FBXW8: variants seen among roughly 807,000 people sequenced by gnomAD.
FBXW8 encodes F-box/WD repeat-containing protein 8.
A neutral mutation model predicts 65.3 loss-of-function variants in FBXW8; 57 were observed. That is an observed-to-expected ratio of 0.87 (90% CI 0.71 to 1.09). FBXW8 has a LOEUF of 1.09. Among genes scored for constraint, FBXW8 ranks in the 50% least tolerant of loss-of-function variants. The probability of loss-of-function intolerance (pLI) is 0.00; values close to 1 mark genes in which losing one functional copy is unlikely to be tolerated. For synonymous variants in FBXW8, 308 were observed against 330.2 expected, an observed-to-expected ratio of 0.93 and a Z score of 0.73; for missense variants, 777 against 814.8, an observed-to-expected ratio of 0.95 and a Z score of 0.57.
At chr12:116,955,370 C>G (rs1215187914) in intron 4 of FBXW8, among the ~76,000 whole-genome samples, 2 of 152,194 alleles carry the variant, frequency 1.3e-5, no homozygotes, top group East Asian at 1.9e-4. Context: ...GCGAAAATTT[C>G]TCATTTCTGT....
chr12:117,019,337 G>GACCA (rs1462210761), intron 8 of FBXW8, among the ~76,000 whole-genome samples: 2 of 152,196 alleles, frequency 1.3e-5, no homozygotes, highest in Non-Finnish European at 2.9e-5. Context: ...AAGGTTCAGT[G>GACCA]GCCAGTCCGA....
intron 1 of FBXW8, among the ~76,000 whole-genome samples, chr12:116,924,035 T>C (rs1475943773): frequency 6.6e-6 from 1 of 152,252 alleles, no homozygotes; most frequent in Non-Finnish European, 1.5e-5. Context: ...CTCTAAATAT[T>C]GTAGCCATGT....
chr12:116,976,541 C>T (rs1205014870), intron 5 of FBXW8, among the ~76,000 whole-genome samples: 1 of 148,716 alleles, frequency 6.7e-6, no homozygotes, highest in Non-Finnish European at 1.5e-5. Flanking sequence ...CTGCAACCTC[C>T]ACCTCCCAGG....
intron 4 of FBXW8, among the ~76,000 whole-genome samples, chr12:116,956,630 T>C (rs983237922): frequency 6.6e-6 from 1 of 152,192 alleles, no homozygotes; most frequent in African/African-American, 2.4e-5. Context: ...GGCCCTTCAG[T>C]GGAATTTTAT....
At chr12:116,937,067 A>T (rs767614359) in intron 2 of FBXW8, among the ~76,000 whole-genome samples, 1 of 152,108 alleles carries the variant, frequency 6.6e-6, no homozygotes, top group Non-Finnish European at 1.5e-5. Context: ...GCAGAAGTGG[A>T]CAGAGTCAGG....
chr12:116,985,077 G>A (rs1885569167), intron 5 of FBXW8, 129 bp from the exon 6 acceptor site: 3 of 681,312 alleles, frequency 4.4e-6, no homozygotes, highest in African/African-American at 3.6e-5. Flanking sequence ...GTGATTTCGT[G>A]TTTAGACTTG....
chr12:116,931,313 T>C (rs1023448248), intron 2 of FBXW8, among the ~76,000 whole-genome samples: 15 of 152,228 alleles, frequency 9.9e-5, no homozygotes, highest in African/African-American at 3.4e-4. Flanking sequence ...AATGAGGTAT[T>C]GTGATGCCTC....
intron 5 of FBXW8, chr12:116,980,396 T>C (rs955434583): frequency 6.6e-6 from 1 of 152,242 alleles, no homozygotes; most frequent in African/African-American, 2.4e-5. Flanking sequence ...GGGTGTCTGT[T>C]TCTTACAACC....
intron 4 of FBXW8, among the ~76,000 whole-genome samples, chr12:116,959,180 C>T (rs1337948623): frequency 6.6e-6 from 1 of 152,194 alleles, no homozygotes; most frequent in African/African-American, 2.4e-5. Context: ...GCATACTGAG[C>T]CTTTTTTGTT....
chr12:117,027,505 G>C lies in FBXW8; in HGVS notation c.1652+1G>C. 6.2e-7 allele frequency: 1 copy of C among 1,612,892 alleles called. No individual in the cohort carries two copies. On this transcript the variant is annotated splice_donor_variant, in intron 10 of 10. Coordinates refer to ENST00000652555, the MANE Select transcript of FBXW8 (RefSeq NM_153348.3). LOFTEE classifies it high-confidence loss of function. The stretch of plus-strand genomic sequence containing the variant: ...TGGACAGCTTCACTACTCACAGGAG[G>C]TTAGTGGTGGGGCCGGGCGAGTAAG...
intron 8 of FBXW8, among the ~76,000 whole-genome samples, chr12:117,011,942 G>T (rs1479972162): frequency 1.3e-5 from 2 of 152,198 alleles, no homozygotes; most frequent in Non-Finnish European, 1.5e-5. Context: ...GAATCATAAT[G>T]AAGCGATGTG....
At chr12:116,999,962 A>G (rs1953472456) in intron 7 of FBXW8, among the ~76,000 whole-genome samples, 10 of 151,452 alleles carry the variant, frequency 6.6e-5, no homozygotes, top group Admixed American at 6.6e-4. Context: ...GCTTGTACAG[A>G]ACACAGGGTC....
At chr12:116,958,775 T>C (rs115471769) in intron 4 of FBXW8, among the ~76,000 whole-genome samples, 142 of 152,314 alleles carry the variant, frequency 9.3e-4, no homozygotes, top group African/African-American at 3.2e-3. Flanking sequence ...GGTGGAGTTT[T>C]ATATGGGGCA....
chr12:116,978,756 T>G (rs780236886), intron 5 of FBXW8: 1 of 152,208 alleles, frequency 6.6e-6, no homozygotes, highest in Non-Finnish European at 1.5e-5. Context: ...TTAACCTGTT[T>G]TAAATTTTGT....
At chr12:116,942,177 C>T (rs1882612831) in intron 2 of FBXW8, among the ~76,000 whole-genome samples, 1 of 151,536 alleles carries the variant, frequency 6.6e-6, no homozygotes, top group Admixed American at 6.6e-5. Context: ...TACAGGCACA[C>T]ACCATCACAT....
rs1011845253 is a variant in FBXW8, at chr12:117,027,273, GA to G, written c.1542-118del. ...TCCATGGGGGCCCTGTTCCCTCTGT[GA>G]AAGAGAAGCTTAGCTTTATGGGTTC... On this transcript the variant is annotated intron_variant, in intron 9 of 10. Transcript: ENST00000652555. The G allele has an allele frequency of 1.9e-5, 14 of 755,694 alleles. No homozygotes were observed. The African/African-American group carries it at 2.4e-4, about 13-fold the overall frequency. 46.8% of individuals were successfully genotyped at this position (755,694 alleles called of 1,614,324 possible). A position where few individuals can be genotyped will look rare whatever the true frequency, so the allele number is the denominator to read the frequency against.
At chr12:116,923,715 TTA>T (rs1291292689) in intron 1 of FBXW8, among the ~76,000 whole-genome samples, 4 of 149,406 alleles carry the variant, frequency 2.7e-5, no homozygotes, top group Non-Finnish European at 1.5e-5. Context: ...AATTAATTAA[TTA>T]ATTTATTTAT....
chr12:117,011,445 G>A (rs1439543599), intron 8 of FBXW8, among the ~76,000 whole-genome samples: 1 of 152,120 alleles, frequency 6.6e-6, no homozygotes, highest in African/African-American at 2.4e-5. Context: ...ATGCTTTATT[G>A]GGAAGAAAAA....
intron 1 of FBXW8, among the ~76,000 whole-genome samples, chr12:116,917,631 T>A (rs1880533817): frequency 6.6e-6 from 1 of 152,204 alleles, no homozygotes; most frequent in Non-Finnish European, 1.5e-5. Context: ...AGGTGAGCAG[T>A]GCTGCCTTGG....
Sources: allele counts gnomAD v4.1 joint callset (sites outside exome capture counted in the v4.1 genomes callset), GRCh38; gene constraint gnomAD v4.1.1; transcripts MANE v1.5; gene names NCBI Gene and HGNC (gene_info 2026-07-23, HGNC 2026-07-21).